AIDA: variants seen among roughly 807,000 people sequenced by gnomAD.
AIDA encodes the protein axin interactor, dorsalization associated.
A neutral mutation model predicts 42.7 loss-of-function variants in AIDA; 18 were observed. The ratio of observed to expected loss-of-function variants is 0.42; its 90% CI spans 0.29 to 0.63. AIDA has a LOEUF of 0.63. AIDA is among the 20% of genes least tolerant of loss of function. The probability of loss-of-function intolerance (pLI) is 0.19; values close to 1 mark genes in which losing one functional copy is unlikely to be tolerated. For synonymous variants in AIDA, 104 were observed against 122.9 expected (o/e 0.85, Z 1.02); for missense variants, 250 against 354.1 (o/e 0.71, Z 2.36).
intron 1 of AIDA, among the ~76,000 whole-genome samples, chr1:222,710,130 C>G (rs984271620): frequency 6.6e-6 from 1 of 152,144 alleles, no homozygotes; most frequent in South Asian, 2.1e-4. Context: ...TTGCTGCAGC[C>G]TTTCCTCCCA....
chr1:222,687,801 C>T (rs1009440500), intron 4 of AIDA, 143 bp from the exon 5 acceptor site: 37 of 614,796 alleles, frequency 6.0e-5, no homozygotes, highest in Admixed American at 2.1e-4. Flanking sequence ...GAGAGCTACA[C>T]AGTACATTTG....
chr1:222,706,635 G>A (rs868263881), intron 1 of AIDA, among the ~76,000 whole-genome samples: 5 of 152,176 alleles, frequency 3.3e-5, no homozygotes, highest in Middle Eastern at 3.4e-3. Flanking sequence ...TTGGGAGGCC[G>A]AGGCAGGTGG....
chr1:222,687,781 A>G, intron 4 of AIDA, 123 bp from the exon 5 acceptor site: 1 of 753,608 alleles, frequency 1.3e-6, no homozygotes, highest in Non-Finnish European at 1.9e-6. Flanking sequence ...TCCCAGCCTT[A>G]CCACCATTTG....
At chr1:222,679,815 T>C (rs1335129493) in intron 6 of AIDA, among the ~76,000 whole-genome samples, 1 of 152,228 alleles carries the variant, frequency 6.6e-6, no homozygotes, top group Non-Finnish European at 1.5e-5. Context: ...CTGCAAAGTC[T>C]CTGTTGCCGT....
At chr1:222,703,049 T>C in intron 2 of AIDA, 99 bp downstream of exon 2, 2 of 878,848 alleles carry the variant, frequency 2.3e-6, no homozygotes, top group Non-Finnish European at 3.4e-6. Context: ...TAACAGTTTT[T>C]TGTTTTTGTT....
intron 5 of AIDA, 86 bp from the exon 6 acceptor site, chr1:222,687,122 G>A (rs2124956743): frequency 6.5e-7 from 1 of 1,538,134 alleles, no homozygotes; most frequent in Non-Finnish European, 8.8e-7. Context: ...TCCCAGGCAA[G>A]ATGCTGATAT....
Position 222,712,353 on chromosome 1 carries a change from C to G in AIDA, c.-36G>C. On this transcript the variant is annotated 5_prime_UTR_variant, in exon 1 of 10. Transcript: ENST00000340020. ...CACCCCGTCCCCTCCCGCCCCTACC[C>G]CAGCAAGGCCGGGTTCTAGGGCGCC... 2 of 1,520,012 alleles carry G rather than the reference C, an allele frequency of 1.3e-6. No individual in the cohort carries two copies. Among genetic ancestry groups the G allele is most frequent in the Non-Finnish European group, 1.8e-6 (2 of 1,131,724 alleles). 94.2% of individuals were successfully genotyped at this position (1,520,012 alleles called of 1,614,324 possible). A position where few individuals can be genotyped will look rare whatever the true frequency, so the allele number is the denominator to read the frequency against.
chr1:222,706,966 T>C (rs901655513), intron 1 of AIDA, among the ~76,000 whole-genome samples: 3 of 151,698 alleles, frequency 2.0e-5, no homozygotes, highest in South Asian at 2.1e-4. Context: ...AGTCTGTTGC[T>C]AGAGTGGGAA....
rs776694091 is a variant in AIDA at position 222,686,979 on chromosome 1, C to G, written c.411G>C (p.Glu137Asp). Residue 137 changes from glutamate (E) to aspartate (D), a missense_variant, in exon 6 of 10, where the codon GAG becomes GAC. Glu to Asp is a conservative substitution (Grantham distance 45, BLOSUM62 2). Transcript: ENST00000340020. ...ENLEFEEDEEEGGAGAGSPDS... is the reference protein window; with the variant it reads ...ENLEFEEDEEDGGAGAGSPDS... The stretch of plus-strand genomic sequence containing the variant: ...CAGGAGACCCTGCTCCAGCACCACC[C>G]TCTTCTTCATCTTCTTCAAATTCCA... The G allele has an allele frequency of 6.2e-7, 1 of 1,613,506 alleles. No homozygotes were observed. The highest frequency in any genetic ancestry group is 2.2e-5 in the East Asian group (1 of 44,866).
At position 222,694,282 on chromosome 1, in the gene AIDA, AGCTAT is replaced by A; in HGVS notation, c.181-24_181-20del. On this transcript the variant is annotated intron_variant, in intron 2 of 9. Coordinates refer to ENST00000340020, the MANE Select transcript of AIDA (RefSeq NM_022831.4). ...TGGTTTTCTGCAGGGGAATAAAAAAAGCTATAAATACCAGAATTATCATAACTGTT... is the reference window on the plus strand; with the variant it reads ...TGGTTTTCTGCAGGGGAATAAAAAAAAAATACCAGAATTATCATAACTGTT... The A allele has an allele frequency of 6.3e-7, 1 of 1,599,998 alleles. No individual in the cohort carries two copies. Among genetic ancestry groups the A allele is most frequent in the Non-Finnish European group, 8.5e-7 (1 of 1,172,426 alleles).
intron 8 of AIDA, among the ~76,000 whole-genome samples, chr1:222,670,516 A>G (rs1026384943): frequency 2.0e-5 from 3 of 152,250 alleles, no homozygotes; most frequent in South Asian, 2.1e-4. Context: ...TCAAGAATGT[A>G]TAACAGTTAT....
chr1:222,687,111 T>C (rs1655217344), intron 5 of AIDA, 75 bp from the exon 6 acceptor site: 1 of 1,553,242 alleles, frequency 6.4e-7, no homozygotes, highest in South Asian at 1.2e-5. Flanking sequence ...AGACACTCGT[T>C]TCCCAGGCAA....
chr1:222,694,143 A>G, intron 3 of AIDA, 67 bp downstream of exon 3: 2 of 1,385,120 alleles, frequency 1.4e-6, no homozygotes, highest in South Asian at 1.3e-5. Flanking sequence ...ATAAATGTCT[A>G]ATGTTTTATC....
intron 4 of AIDA, among the ~76,000 whole-genome samples, chr1:222,688,167 C>T (rs1655249011): frequency 6.6e-6 from 1 of 152,088 alleles, no homozygotes; most frequent in Non-Finnish European, 1.5e-5. Context: ...CTGCAGTGAG[C>T]CATGATCACG....
Position 222,687,659 on chromosome 1 carries a change from C to A in AIDA, c.290-1G>T, listed in dbSNP as rs1436563646. 6.8e-7 allele frequency: 1 copy of A among 1,471,930 alleles called. No individual in the cohort carries two copies. The highest frequency in any genetic ancestry group is 9.2e-7 in the Non-Finnish European group (1 of 1,086,364). 91.2% of individuals were successfully genotyped at this position (1,471,930 alleles called of 1,614,324 possible). A position where few individuals can be genotyped will look rare whatever the true frequency, so the allele number is the denominator to read the frequency against. ...TTATATGTAAGAATATTCTTTAGGA[C>A]TAGAATAAGAAGATAAAGAAACATG... On this transcript the variant is annotated splice_acceptor_variant, in intron 4 of 9. Transcript: ENST00000340020. LOFTEE classifies it high-confidence loss of function.
At chr1:222,681,276 T>C (rs1429826878) in intron 6 of AIDA, among the ~76,000 whole-genome samples, 2 of 152,230 alleles carry the variant, frequency 1.3e-5, no homozygotes, top group African/African-American at 4.8e-5. Context: ...ACTGAAGTGC[T>C]GCTATCAAAA....
rs992059034 is a variant in AIDA at position 222,668,086 on chromosome 1, C to T, written c.*1807G>A. On this transcript the variant is annotated 3_prime_UTR_variant, in exon 10 of 10. Coordinates refer to ENST00000340020, the MANE Select transcript of AIDA (RefSeq NM_022831.4). ...TAAACTATACTTATGTGAAGGATAG[C>T]AGATGCTTCATATAAATTATCATTT... 6.6e-6 allele frequency: 1 copy of T among 152,020 alleles called. No homozygotes were observed. The highest frequency in any genetic ancestry group is 2.4e-5 in the African/African-American group (1 of 41,370). 9.4% of individuals were successfully genotyped at this position (152,020 alleles called of 1,614,324 possible).
rs11485183 is a variant in AIDA, at chr1:222,692,063, A to G, written c.289+1726T>C. 9.2e-3 allele frequency among the ~76,000 whole-genome samples: 1,400 copies of G among 152,302 alleles called. 18 individuals carry two copies. Among genetic ancestry groups the G allele is most frequent in the African/African-American group, 0.032 (1,326 of 41,564 alleles). On this transcript the variant is annotated intron_variant, in intron 4 of 9. Transcript: ENST00000340020. ...ACAATCCTTTCTTATTTTCTGTAGG[A>G]TAGGTTTCCATTTTCACCAATTATA... is the stretch of plus-strand genomic sequence containing the variant.
At chr1:222,707,708 G>T (rs1455024385) in intron 1 of AIDA, among the ~76,000 whole-genome samples, 1 of 152,214 alleles carries the variant, frequency 6.6e-6, no homozygotes, top group Non-Finnish European at 1.5e-5. Flanking sequence ...ATTCTCAAGG[G>T]AGAGTTTTAA....
Sources: gnomAD v4.1 joint callset for allele counts (sites outside exome capture counted in the v4.1 genomes callset) on GRCh38, gnomAD v4.1.1 for gene constraint, MANE v1.5 for transcripts, NCBI Gene and HGNC (gene_info 2026-07-23, HGNC 2026-07-21) for gene names.